The following PDE4B variants were observed in gnomAD, a reference collection of about 807,000 sequenced individuals.
The protein encoded by PDE4B is 3',5'-cyclic-AMP phosphodiesterase 4B.
A neutral mutation model predicts 82.2 loss-of-function variants in PDE4B; 20 were observed. The observed-to-expected ratio is 0.24, with a 90% CI of 0.17 to 0.35. The LOEUF is 0.35. PDE4B is among the 10% of genes least tolerant of loss of function. The probability of loss-of-function intolerance (pLI) is 1.00; values close to 1 mark genes in which losing one functional copy is unlikely to be tolerated. For missense variants in PDE4B, 655 were observed against 907.2 expected, an observed-to-expected ratio of 0.72 and a Z score of 3.57; for synonymous variants, 320 against 318.9, an observed-to-expected ratio of 1.00 and a Z score of -0.04.
chr1:65,896,184 G>C (rs1379723814), intron 1 of PDE4B, among the ~76,000 whole-genome samples: 1 of 152,012 alleles, frequency 6.6e-6, no homozygotes, highest in Non-Finnish European at 1.5e-5. Context: ...AAAGAAAGAG[G>C]TTTAATTGGC....
intron 1 of PDE4B, among the ~76,000 whole-genome samples, chr1:65,884,511 C>G (rs372405678): frequency 1.3e-5 from 2 of 151,994 alleles, no homozygotes; most frequent in African/African-American, 2.4e-5. Context: ...CCAAAACAGA[C>G]ATATAGACCA....
At chr1:66,003,657 G>A (rs1295468530) in intron 3 of PDE4B, among the ~76,000 whole-genome samples, 1 of 152,136 alleles carries the variant, frequency 6.6e-6, no homozygotes, top group Non-Finnish European at 1.5e-5. Flanking sequence ...ATCTGAGCAT[G>A]CTTCTGTGGC....
intron 7 of PDE4B, among the ~76,000 whole-genome samples, chr1:66,325,388 A>G (rs1659672574): frequency 6.6e-6 from 1 of 152,220 alleles, no homozygotes; most frequent in South Asian, 2.1e-4. Context: ...AATGGACAAT[A>G]CCACTCCTGA....
At chr1:66,067,835 C>T (rs568940172) in intron 3 of PDE4B, among the ~76,000 whole-genome samples, 1 of 150,356 alleles carries the variant, frequency 6.7e-6, no homozygotes, top group Non-Finnish European at 1.5e-5. Flanking sequence ...TTAGGTCTAA[C>T]ATTTAAGTCT....
At position 66,160,285 on chromosome 1, in the gene PDE4B, G is replaced by A. The variant is rs143674590; in HGVS notation, c.282-87175G>A. Among the ~76,000 whole-genome samples, 4 of 152,302 alleles carry A rather than the reference G, an allele frequency of 2.6e-5. No homozygotes were observed. The East Asian group carries it at 5.8e-4, about 22-fold the overall frequency. ...CCTTTCTGTCTTCTTTGAGGTTGGC[G>A]CTGCCTCTACCCTTTCAATCCTTTC... On this transcript the variant is annotated intron_variant, in intron 3 of 16. Transcript: ENST00000341517.
At chr1:65,881,142 T>C (rs780409658) in intron 1 of PDE4B, among the ~76,000 whole-genome samples, 1 of 152,194 alleles carries the variant, frequency 6.6e-6, no homozygotes, top group Non-Finnish European at 1.5e-5. Flanking sequence ...CATTCAGTGC[T>C]CTTAAATTAA....
At chr1:66,005,460 G>T (rs535733815) in intron 3 of PDE4B, among the ~76,000 whole-genome samples, 77 of 152,224 alleles carry the variant, frequency 5.1e-4, no homozygotes, top group African/African-American at 1.8e-3. Context: ...AAAGGTTATT[G>T]CTTCTGCTTT....
intron 3 of PDE4B, among the ~76,000 whole-genome samples, chr1:66,201,342 A>T (rs1648925682): frequency 6.6e-6 from 1 of 152,128 alleles, no homozygotes; most frequent in Admixed American, 6.5e-5. Flanking sequence ...CTTTGGTATC[A>T]GGATGATGCT....
chr1:65,793,633 G>A (rs181215566), intron 1 of PDE4B, among the ~76,000 whole-genome samples: 1 of 152,322 alleles, frequency 6.6e-6, no homozygotes, highest in Admixed American at 6.5e-5. Flanking sequence ...AGCGGGCGCG[G>A]AAGGGAACCT....
intron 1 of PDE4B, among the ~76,000 whole-genome samples, chr1:65,808,815 A>G (rs1570957428): frequency 6.6e-6 from 1 of 152,322 alleles, no homozygotes; most frequent in East Asian, 1.9e-4. Flanking sequence ...CTTTTCAGTT[A>G]TGGCTGATTT....
intron 3 of PDE4B, among the ~76,000 whole-genome samples, chr1:65,989,952 AT>A (rs910594355): frequency 1.4e-4 from 20 of 138,646 alleles, no homozygotes; most frequent in East Asian, 8.4e-4. Context: ...TGCCTTAAAC[AT>A]TTTTTTTTTC....
At chr1:66,118,655 T>G (rs959832076) in intron 3 of PDE4B, among the ~76,000 whole-genome samples, 2 of 152,140 alleles carry the variant, frequency 1.3e-5, no homozygotes, top group African/African-American at 2.4e-5. Flanking sequence ...ACATGGTACA[T>G]GTATACATAT....
chr1:66,085,801 A>G (rs547241029), intron 3 of PDE4B, among the ~76,000 whole-genome samples: 5 of 152,184 alleles, frequency 3.3e-5, no homozygotes, highest in Admixed American at 6.6e-5. Context: ...TGGTCTTGAC[A>G]GGTTATGGGG....
chr1:65,792,902 G>A lies in PDE4B; in HGVS notation c.-417G>A, dbSNP rs1412000380. ...GAGGGGGTTTAAAGGGCCAGAGGAC[G>A]AGAGAAGAGCTGAGGGGCGCGTCGC... On this transcript the variant is annotated 5_prime_UTR_variant, in exon 1 of 17. Transcript: ENST00000341517. Among the ~76,000 whole-genome samples, 2 of 151,970 alleles carry A rather than the reference G, an allele frequency of 1.3e-5. No homozygotes were observed. Among genetic ancestry groups the A allele is most frequent in the African/African-American group, 2.4e-5 (1 of 41,416 alleles).
intron 7 of PDE4B, among the ~76,000 whole-genome samples, chr1:66,324,680 C>A (rs190986304): frequency 6.6e-6 from 1 of 152,038 alleles, no homozygotes; most frequent in East Asian, 1.9e-4. Context: ...ATGAATCCAC[C>A]CAGAGTGAAA....
chr1:66,010,945 T>C (rs6682890), intron 3 of PDE4B, among the ~76,000 whole-genome samples: 148,051 of 151,044 alleles, frequency 0.98, 72,616 homozygotes, highest in Middle Eastern at 1. Context: ...GTGGGAATTT[T>C]GAAAGTCATT....
intron 8 of PDE4B, among the ~76,000 whole-genome samples, chr1:66,342,181 A>G (rs549755973): frequency 3.3e-5 from 5 of 152,338 alleles, no homozygotes; most frequent in African/African-American, 9.6e-5. Context: ...GGAATTGAGC[A>G]TCTTGGGATA....
In PDE4B at chr1:65,805,941, G is replaced by C. The variant is rs113086343; in HGVS notation, c.-71+12693G>C. Among the ~76,000 whole-genome samples the C allele has an allele frequency of 6.9e-3, 1,047 of 152,194 alleles. 17 individuals are homozygous for C. The highest frequency in any genetic ancestry group is 0.024 in the African/African-American group (995 of 41,530). On this transcript the variant is annotated intron_variant, in intron 1 of 16. Transcript: ENST00000341517. ...TTTCAAGATTATGTACCTGGGTGCA[G>C]GTCATTTCTAATTTTGGTGGGGGAG...
At chr1:66,257,936 A>C in intron 6 of PDE4B, 73 bp downstream of exon 6, 1 of 998,922 alleles carries the variant, frequency 1.0e-6, no homozygotes, top group South Asian at 1.3e-5. Context: ...CATTTAAAAA[A>C]ATACAACTAT....
Sources: gnomAD v4.1 joint callset for allele counts (sites outside exome capture counted in the v4.1 genomes callset) on GRCh38, gnomAD v4.1.1 for gene constraint, MANE v1.5 for transcripts, NCBI Gene and HGNC (gene_info 2026-07-23, HGNC 2026-07-21) for gene names.